The following FAM184A variants were observed in gnomAD, a reference collection of about 807,000 sequenced individuals.
FAM184A encodes the protein family with sequence similarity 184 member A.
A neutral mutation model predicts 143.8 loss-of-function variants in FAM184A; 99 were observed. The observed-to-expected ratio is 0.69, with a 90% CI of 0.58 to 0.81. The LOEUF is 0.81. Ranked by LOEUF, FAM184A falls within the 40% of genes least tolerant of loss-of-function variation. The pLI is 0.00. For synonymous variants in FAM184A, 427 were observed against 446.4 expected (o/e 0.96, Z 0.55); for missense variants, 1,217 against 1,310.5 (o/e 0.93, Z 1.10).
intron 1 of FAM184A, among the ~76,000 whole-genome samples, chr6:119,103,927 A>AG (rs1302646834): frequency 7.6e-6 from 1 of 132,258 alleles, no homozygotes; most frequent in East Asian, 2.7e-4. Flanking sequence ...CTCCGTGTAG[A>AG]GAAAAAAAAA....
intron 7 of FAM184A, among the ~76,000 whole-genome samples, chr6:119,004,398 G>GA (rs1784861332): frequency 2.0e-5 from 3 of 152,260 alleles, no homozygotes; most frequent in East Asian, 3.9e-4. Context: ...AGATTAATGA[G>GA]AAAAAAACAA....
chr6:119,081,396 G>T (rs571380906), upstream of FAM184A, among the ~76,000 whole-genome samples: 1 of 152,292 alleles, frequency 6.6e-6, no homozygotes, highest in East Asian at 1.9e-4. Context: ...ACCTCTAGGG[G>T]AGCACAGAGA....
chr6:119,143,671 C>G (rs917532250), intron 1 of FAM184A, among the ~76,000 whole-genome samples: 1 of 152,188 alleles, frequency 6.6e-6, no homozygotes, highest in Non-Finnish European at 1.5e-5. Context: ...CTTAAATGAA[C>G]CTTTAGGACA....
At chr6:119,104,186 G>A (rs568373319) in intron 1 of FAM184A, among the ~76,000 whole-genome samples, 1 of 151,988 alleles carries the variant, frequency 6.6e-6, no homozygotes, top group Non-Finnish European at 1.5e-5. Context: ...ACCAAGCCCA[G>A]CTAATTTTTG....
At chr6:119,082,135 G>C (rs980443887), upstream of FAM184A, among the ~76,000 whole-genome samples, 1 of 152,166 alleles carries the variant, frequency 6.6e-6, no homozygotes, top group Non-Finnish European at 1.5e-5. Context: ...CCCTAGCCAA[G>C]GACCACACCC....
chr6:119,014,353 G>T (rs1030894820), intron 5 of FAM184A, among the ~76,000 whole-genome samples: 1 of 152,182 alleles, frequency 6.6e-6, no homozygotes, highest in Non-Finnish European at 1.5e-5. Context: ...AGCTTTTGAG[G>T]CCCAAAGTAA....
intron 16 of FAM184A, chr6:118,963,172 C>T (rs1326979614): frequency 6.6e-6 from 1 of 152,038 alleles, no homozygotes; most frequent in Non-Finnish European, 1.5e-5. Flanking sequence ...TTTGCATTTT[C>T]TTATTCTAGT....
intron 1 of FAM184A, among the ~76,000 whole-genome samples, chr6:119,132,653 C>T (rs1419140510): frequency 6.6e-6 from 1 of 152,224 alleles, no homozygotes; most frequent in Non-Finnish European, 1.5e-5. Flanking sequence ...GTCTATTCTA[C>T]CTCTGAGAGA....
intron 11 of FAM184A, among the ~76,000 whole-genome samples, chr6:118,977,355 G>A (rs775156129): frequency 3.3e-5 from 5 of 152,146 alleles, no homozygotes; most frequent in Non-Finnish European, 5.9e-5. Context: ...GCCGAGACCC[G>A]TAGATCACTT....
rs78125835 is a variant in FAM184A at position 118,975,213 on chromosome 6, T to TAAA, written c.2584-8_2584-6dup. On this transcript the variant is annotated splice_polypyrimidine_tract_variant and splice_region_variant and intron_variant, in intron 12 of 17. Transcript: ENST00000338891. ...TCTACATATGTGCTCCTTACTCTGTTAAAAAAAAAAAGTCATTTTTAGAAG... is the reference window on the plus strand; with the variant it reads ...TCTACATATGTGCTCCTTACTCTGTTAAAAAAAAAAAAAAGTCATTTTTAGAAG... 17 of 1,283,848 alleles carry TAAA rather than the reference T, an allele frequency of 1.3e-5. No individual in the cohort carries two copies. The highest frequency in any genetic ancestry group is 6.3e-5 in the South Asian group (4 of 63,860). 79.5% of individuals were successfully genotyped at this position (1,283,848 alleles called of 1,614,324 possible). A position where few individuals can be genotyped will look rare whatever the true frequency, so the allele number is the denominator to read the frequency against.
intron 1 of FAM184A, among the ~76,000 whole-genome samples, chr6:119,070,977 C>A (rs1787665665): frequency 6.6e-6 from 1 of 151,868 alleles, no homozygotes; most frequent in Non-Finnish European, 1.5e-5. Flanking sequence ...ACTCCCCTGG[C>A]CCCCATTACC....
intron 1 of FAM184A, among the ~76,000 whole-genome samples, chr6:119,107,402 T>G (rs925544198): frequency 1.3e-5 from 2 of 152,096 alleles, no homozygotes; most frequent in Non-Finnish European, 2.9e-5. Context: ...GTGCATTTAT[T>G]TGGTGAGGGA....
Position 119,041,998 on chromosome 6 carries a change from C to T in FAM184A, c.160-17185G>A, listed in dbSNP as rs184129895. Among the ~76,000 whole-genome samples, 67 of 152,196 alleles carry T rather than the reference C, an allele frequency of 4.4e-4. No individual in the cohort carries two copies. In the East Asian group the frequency reaches 4.6e-3, roughly 11 times the overall value. ...GCTTGCCACCATCTTGGAAGCGGCCCGCCACCATCTTGGGAGCTCTGGGAA... is the reference window on the plus strand; with the variant it reads ...GCTTGCCACCATCTTGGAAGCGGCCTGCCACCATCTTGGGAGCTCTGGGAA... On this transcript the variant is annotated intron_variant, in intron 1 of 17. Transcript: ENST00000338891.
chr6:119,025,283 T>C lies in FAM184A; in HGVS notation c.160-470A>G, dbSNP rs186618030. ...AAGAGAAGCCCTAGGCCCTAAGTCT[T>C]CCCAAAAGCCTTTTATCTTTGTAAT... On this transcript the variant is annotated intron_variant, in intron 1 of 17. Coordinates refer to ENST00000338891, the MANE Select transcript of FAM184A (RefSeq NM_024581.6). 3.7e-4 allele frequency among the ~76,000 whole-genome samples: 56 copies of C among 152,292 alleles called. No individual in the cohort carries two copies. The East Asian group carries it at 7.7e-3, about 21-fold the overall frequency.
chr6:119,059,096 A>G (rs908380227), intron 1 of FAM184A, among the ~76,000 whole-genome samples: 6 of 152,098 alleles, frequency 3.9e-5, no homozygotes, highest in African/African-American at 1.4e-4. Context: ...TCCCGGGTTC[A>G]AGCAATCCTC....
intron 1 of FAM184A, among the ~76,000 whole-genome samples, chr6:119,073,938 T>C (rs772157115): frequency 6.6e-6 from 1 of 152,064 alleles, no homozygotes; most frequent in Non-Finnish European, 1.5e-5. Context: ...AAGAGGGGTA[T>C]CTAGAGTTTG....
intron 3 of FAM184A, among the ~76,000 whole-genome samples, chr6:119,021,843 G>T (rs991592822): frequency 3.3e-5 from 5 of 151,946 alleles, no homozygotes; most frequent in Non-Finnish European, 5.9e-5. Flanking sequence ...AGCCAAGGTG[G>T]TGCATGCCTG....
chr6:119,101,154 C>T (rs1158402199), intron 1 of FAM184A, among the ~76,000 whole-genome samples: 1 of 150,294 alleles, frequency 6.7e-6, no homozygotes, highest in Non-Finnish European at 1.5e-5. Flanking sequence ...GCACCCTCCA[C>T]CTCCTGGGTT....
intron 1 of FAM184A, among the ~76,000 whole-genome samples, chr6:119,130,961 A>T (rs912976213): frequency 1.3e-5 from 2 of 150,926 alleles, no homozygotes; most frequent in African/African-American, 4.9e-5. Context: ...GGTTCAAACA[A>T]TTCTCCCTGC....
Sources: gnomAD v4.1 joint callset for allele counts (sites outside exome capture counted in the v4.1 genomes callset) on GRCh38, gnomAD v4.1.1 for gene constraint, MANE v1.5 for transcripts, NCBI Gene and HGNC (gene_info 2026-07-23, HGNC 2026-07-21) for gene names.